Variants in ZNF69 observed in about 807,000 individuals in gnomAD.
The protein encoded by ZNF69 is ZNF3.
Under a neutral mutation model 50.9 loss-of-function variants are expected in ZNF69, and 47 were observed. That is an observed-to-expected ratio of 0.92 (90% confidence interval 0.73 to 1.18). The LOEUF (loss-of-function observed/expected upper bound fraction) is 1.18. ZNF69 is among the 50% of genes most tolerant of loss of function. The pLI is 0.00. For missense variants in ZNF69, 717 were observed against 675.1 expected (o/e 1.06, Z -0.69); for synonymous variants, 216 against 223.1 (o/e 0.97, Z 0.29).
At chr19:11,950,609 A>G in the ZNF69 span, 305 of 445,636 alleles carry the variant, frequency 6.8e-4, 1 homozygote, top group Non-Finnish European at 1.2e-3. Context: ...CTTGGGAGAA[A>G]CTCTATGAAT....
chr19:11,965,405 C>A, the ZNF69 span, among the ~76,000 whole-genome samples: 3 of 152,224 alleles, frequency 2.0e-5, no homozygotes, highest in African/African-American at 7.2e-5. Context: ...CCCGGGTGTC[C>A]TGTCCTGTCC....
At chr19:11,979,798 G>C in the ZNF69 span, 1 of 1,575,630 alleles carries the variant, frequency 6.3e-7, no homozygotes, top group Non-Finnish European at 8.7e-7. Flanking sequence ...AACCCTATGA[G>C]TGTAAGGAAT....
chr19:11,905,871 T>A lies in ZNF69; in HGVS notation c.1474T>A (p.Ser492Thr), dbSNP rs1972361860. 6.2e-7 allele frequency: 1 copy of A among 1,613,700 alleles called. No homozygotes were observed. Among genetic ancestry groups the A allele is most frequent in the Non-Finnish European group, 8.5e-7 (1 of 1,179,976 alleles). The change falls in exon 4 of 4, where the codon TCA becomes ACA. Residue 492 changes from serine (S) to threonine (T), a missense_variant. Transcript: ENST00000429654. Reference protein sequence around the residue: ...LCGKGFYCPKSLQRHEKTHTG... With the variant: ...LCGKGFYCPKTLQRHEKTHTG... ...TGGGAAAGGCTTTTATTGTCCCAAA[T>A]CATTGCAAAGACATGAAAAAACTCA...
chr19:11,976,127 G>C, the ZNF69 span, among the ~76,000 whole-genome samples: 2 of 148,414 alleles, frequency 1.3e-5, no homozygotes, highest in African/African-American at 5.0e-5. Flanking sequence ...CTGCTCTTGG[G>C]TAGCTATCTG....
At chr19:11,950,051 A>T in the ZNF69 span, 1 of 1,614,222 alleles carries the variant, frequency 6.2e-7, no homozygotes, top group Non-Finnish European at 8.5e-7. Context: ...GAGAAGCCCT[A>T]TGAATGTAAG....
rs1230247266 is a variant in ZNF69 at position 11,887,798 on chromosome 19, C to T, written c.-126C>T. The T allele has an allele frequency of 4.3e-6, 3 of 692,004 alleles. No individual in the cohort carries two copies. Among genetic ancestry groups the T allele is most frequent in the Non-Finnish European group, 7.1e-6 (3 of 420,034 alleles). 42.9% of individuals were successfully genotyped at this position (692,004 alleles called of 1,614,324 possible). ...TCCCTGCCCACTGTTCCTCCAGACA[C>T]TGAGGGGGTCGCATTCCTTACCTCA... On this transcript the variant is annotated 5_prime_UTR_variant, in exon 1 of 4. Coordinates refer to ENST00000429654, the MANE Select transcript of ZNF69 (RefSeq NM_001364730.1).
chr19:11,978,728 C>T, the ZNF69 span: 1 of 1,613,986 alleles, frequency 6.2e-7, no homozygotes, highest in East Asian at 2.2e-5. Context: ...TCCATAGTTC[C>T]AGTTCTTTTC....
At chr19:11,974,068 C>CTT in the ZNF69 span, among the ~76,000 whole-genome samples, 1 of 129,034 alleles carries the variant, frequency 7.7e-6, no homozygotes, top group Admixed American at 7.9e-5. Flanking sequence ...TTCCTTCTTT[C>CTT]TTTTCTTTCT....
chr19:11,962,010 T>C, the ZNF69 span, among the ~76,000 whole-genome samples: 121 of 152,296 alleles, frequency 7.9e-4, no homozygotes, highest in African/African-American at 2.8e-3. Context: ...TAGGTCTCAC[T>C]ATGTTGCCCA....
the ZNF69 span, among the ~76,000 whole-genome samples, chr19:11,952,447 A>AC: frequency 1.3e-5 from 2 of 152,160 alleles, no homozygotes; most frequent in African/African-American, 4.8e-5. Context: ...TGTGCTGTTG[A>AC]TGCTAACTTG....
At chr19:11,924,758 C>T in the ZNF69 span, among the ~76,000 whole-genome samples, 8 of 152,158 alleles carry the variant, frequency 5.3e-5, no homozygotes, top group Non-Finnish European at 1.2e-4. Context: ...GCTCTGAGGC[C>T]AGCAGTTGGC....
chr19:11,908,776 G>A (rs1018270893), downstream of ZNF69, among the ~76,000 whole-genome samples: 3 of 152,122 alleles, frequency 2.0e-5, no homozygotes, highest in African/African-American at 7.2e-5. Flanking sequence ...AGAGGCAAGA[G>A]CAAACACATT....
the ZNF69 span, chr19:11,978,336 G>T: frequency 2.5e-6 from 4 of 1,613,964 alleles, no homozygotes; most frequent in African/African-American, 4.0e-5. Flanking sequence ...CGAGTATCAG[G>T]ACTATGCACC....
At chr19:11,950,402 G>A in the ZNF69 span, 2 of 863,100 alleles carry the variant, frequency 2.3e-6, no homozygotes, top group Non-Finnish European at 3.8e-6. Flanking sequence ...TGTAAGCAGT[G>A]TGGGAAAGCC....
Position 11,905,132 on chromosome 19 carries a change from G to T in ZNF69, c.735G>T (p.Glu245Asp), listed in dbSNP as rs768775445. Residue 245 changes from glutamate to aspartate, a missense_variant, in exon 4 of 4, where the codon GAG becomes GAT. By Grantham distance (45) the Glu-to-Asp change is conservative (BLOSUM62 2). Coordinates refer to ENST00000429654, the MANE Select transcript of ZNF69 (RefSeq NM_001364730.1). ...TCCATGAAAGAATTCACACTGGAGA[G>T]AAACCATATGAATGTAAACAATGTG... is the stretch of plus-strand genomic sequence containing the variant. Reference protein sequence around the residue: ...YLIHERIHTGEKPYECKQCGK... With the variant: ...YLIHERIHTGDKPYECKQCGK... 1 of 1,614,182 alleles carries T rather than the reference G, an allele frequency of 6.2e-7. No individual in the cohort carries two copies. The highest frequency in any genetic ancestry group is 1.7e-5 in the Admixed American group (1 of 60,022).
intron 1 of ZNF69, among the ~76,000 whole-genome samples, chr19:11,889,315 G>A (rs996945990): frequency 5.3e-5 from 8 of 152,236 alleles, no homozygotes; most frequent in Admixed American, 2.0e-4. Context: ...ATGAATGTGC[G>A]TCAGTTGCTG....
At chr19:11,977,088 G>T in the ZNF69 span, 1 of 1,614,106 alleles carries the variant, frequency 6.2e-7, no homozygotes, top group Non-Finnish European at 8.5e-7. Flanking sequence ...AGGAGGAGTG[G>T]GCTTTGCTGG....
At chr19:11,888,101 G>A in intron 1 of ZNF69, 115 bp downstream of exon 1, 3 of 993,050 alleles carry the variant, frequency 3.0e-6, no homozygotes, top group Non-Finnish European at 4.5e-6. Flanking sequence ...CTGGGACCGA[G>A]TCCTCCTGGA....
the ZNF69 span, among the ~76,000 whole-genome samples, chr19:11,945,650 C>T: frequency 5.3e-5 from 8 of 152,010 alleles, no homozygotes; most frequent in Non-Finnish European, 4.4e-5. Flanking sequence ...ACACCTTTGA[C>T]CATCACTTAG....
Sources: gnomAD v4.1 joint callset for allele counts (sites outside exome capture counted in the v4.1 genomes callset) on GRCh38, gnomAD v4.1.1 for gene constraint, MANE v1.5 for transcripts, NCBI Gene and HGNC (gene_info 2026-07-23, HGNC 2026-07-21) for gene names.